Variants in IL1RAPL1 observed in about 807,000 individuals in gnomAD.
IL1RAPL1 encodes interleukin-1 receptor accessory protein-like 1.
In IL1RAPL1, 3 loss-of-function variants were observed where a neutral mutation model predicts 48.4. The ratio of observed to expected loss-of-function variants is 0.06; its 90% confidence interval spans 0.03 to 0.16. The LOEUF (loss-of-function observed/expected upper bound fraction) is 0.16, where lower values mean the gene tolerates loss of function less well. Ranked by LOEUF, IL1RAPL1 falls within the 10% of genes least tolerant of loss-of-function variation. The pLI is 1.00. For missense variants in IL1RAPL1, 349 were observed against 530.6 expected, an observed-to-expected ratio of 0.66 and a Z score of 3.36; for synonymous variants, 185 against 187.7, an observed-to-expected ratio of 0.99 and a Z score of 0.12.
At chrX:29,656,766 T>G (rs1042088062) in intron 5 of IL1RAPL1, among the ~76,000 whole-genome samples, 5 of 111,519 alleles carry the variant, frequency 4.5e-5, no homozygotes, top group Non-Finnish European at 9.4e-5. Flanking sequence ...TTGGAATTAT[T>G]TCTGAAGTTC....
chrX:28,888,433 A>T (rs1293059937), intron 2 of IL1RAPL1, among the ~76,000 whole-genome samples: 3 of 111,813 alleles, frequency 2.7e-5, no homozygotes, highest in Non-Finnish European at 5.7e-5. Context: ...ATTTGTTACT[A>T]ATTACCTCTG....
chrX:29,354,370 T>G (rs1451576164), intron 3 of IL1RAPL1, among the ~76,000 whole-genome samples: 1 of 112,004 alleles, frequency 8.9e-6, no homozygotes, highest in Non-Finnish European at 1.9e-5. Context: ...TAGTTGTATT[T>G]GGTAATACAG....
chrX:29,892,579 A>G (rs1178633728), intron 6 of IL1RAPL1, among the ~76,000 whole-genome samples: 1 of 112,602 alleles, frequency 8.9e-6, no homozygotes, highest in African/African-American at 3.2e-5. Context: ...CTGTTTGGCA[A>G]CTTGGGAAGA....
In IL1RAPL1 at chrX:28,974,832, C is replaced by A. The variant is rs147715475; in HGVS notation, c.82+185407C>A. 2.2e-4 allele frequency among the ~76,000 whole-genome samples: 25 copies of A among 111,685 alleles called. No homozygotes were observed. In the East Asian group the frequency reaches 7.0e-3, roughly 31 times the overall value. The stretch of plus-strand genomic sequence containing the variant: ...TTGAAAAGTGGACAATTATCATCTT[C>A]TGGAATCTTCTGTATGTAATGTAAT... On this transcript the variant is annotated intron_variant, in intron 2 of 10. Coordinates refer to ENST00000378993, the MANE Select transcript of IL1RAPL1 (RefSeq NM_014271.4).
chrX:29,066,085 T>C (rs892977641), intron 2 of IL1RAPL1, among the ~76,000 whole-genome samples: 2 of 112,047 alleles, frequency 1.8e-5, no homozygotes, highest in African/African-American at 3.2e-5. Flanking sequence ...GGGAACACTT[T>C]TTTCTTTCTT....
intron 2 of IL1RAPL1, among the ~76,000 whole-genome samples, chrX:28,967,081 C>T (rs747885277): frequency 7.3e-4 from 82 of 111,927 alleles, no homozygotes; most frequent in African/African-American, 2.4e-3. Context: ...AAACAGTGAC[C>T]AAACAGTTGA....
intron 2 of IL1RAPL1, among the ~76,000 whole-genome samples, chrX:29,095,509 A>G (rs1928194278): frequency 8.9e-6 from 1 of 111,963 alleles, no homozygotes; most frequent in South Asian, 3.7e-4. Flanking sequence ...CTCTAAATGA[A>G]CAAAGCCCAT....
chrX:28,908,423 A>T (rs1425429648), intron 2 of IL1RAPL1, among the ~76,000 whole-genome samples: 2 of 111,213 alleles, frequency 1.8e-5, no homozygotes, highest in Non-Finnish European at 3.8e-5. Flanking sequence ...ATATTCTAGA[A>T]TTTCTCTTGA....
intron 3 of IL1RAPL1, among the ~76,000 whole-genome samples, chrX:29,295,221 G>A (rs1932431985): frequency 8.9e-6 from 1 of 111,906 alleles, no homozygotes; most frequent in African/African-American, 3.2e-5. Flanking sequence ...GAGACAGCAA[G>A]AGGCCTATCT....
chrX:29,656,850 G>C (rs996105980), intron 5 of IL1RAPL1, among the ~76,000 whole-genome samples: 1 of 111,489 alleles, frequency 9.0e-6, no homozygotes, highest in Non-Finnish European at 1.9e-5. Flanking sequence ...ATTTTCAGTT[G>C]TTTGTGTGGG....
intron 2 of IL1RAPL1, among the ~76,000 whole-genome samples, chrX:29,017,245 A>G (rs1926262286): frequency 8.9e-6 from 1 of 112,529 alleles, no homozygotes; most frequent in South Asian, 3.6e-4. Flanking sequence ...ACTACCACGT[A>G]TTACGTGTTG....
At chrX:29,758,366 T>A (rs1003971199) in intron 6 of IL1RAPL1, among the ~76,000 whole-genome samples, 1 of 109,771 alleles carries the variant, frequency 9.1e-6, no homozygotes. Flanking sequence ...GGAGAGGGAA[T>A]GAAAGGAGGA....
intron 3 of IL1RAPL1, among the ~76,000 whole-genome samples, chrX:29,319,578 C>CTATCTATT (rs1932789936): frequency 9.4e-6 from 1 of 106,434 alleles, no homozygotes; most frequent in Admixed American, 1.0e-4. Flanking sequence ...ATCTATCTAT[C>CTATCTATT]CATCCATCGA....
chrX:29,524,023 C>A (rs778896328), intron 5 of IL1RAPL1, among the ~76,000 whole-genome samples: 16 of 110,331 alleles, frequency 1.5e-4, no homozygotes, highest in Middle Eastern at 4.8e-3. Flanking sequence ...AAAAAAAAAT[C>A]TTTTTCTTTG....
At chrX:29,821,294 C>CA (rs919406839) in intron 6 of IL1RAPL1, among the ~76,000 whole-genome samples, 3 of 108,983 alleles carry the variant, frequency 2.8e-5, no homozygotes, top group Non-Finnish European at 5.7e-5. Flanking sequence ...CTAAAAAATA[C>CA]AAAAAATTAG....
intron 6 of IL1RAPL1, among the ~76,000 whole-genome samples, chrX:29,751,240 T>C (rs1348367044): frequency 1.8e-5 from 2 of 111,589 alleles, no homozygotes; most frequent in African/African-American, 6.5e-5. Flanking sequence ...CCACAAAATA[T>C]TGATACAGCT....
At chrX:29,931,172 AT>A (rs1333597350) in intron 8 of IL1RAPL1, among the ~76,000 whole-genome samples, 48 of 106,564 alleles carry the variant, frequency 4.5e-4, no homozygotes, top group African/African-American at 1.2e-3. Flanking sequence ...GGGAGGGGGG[AT>A]TTTTTTTTTA....
intron 2 of IL1RAPL1, among the ~76,000 whole-genome samples, chrX:29,249,542 C>CTGAT (rs199566503): frequency 0.012 from 1,302 of 111,738 alleles, 12 homozygotes; most frequent in Non-Finnish European, 0.02. Context: ...CCCATTAACA[C>CTGAT]TGATAGCACT....
intron 1 of IL1RAPL1, among the ~76,000 whole-genome samples, chrX:28,712,128 G>A (rs942739944): frequency 9.0e-6 from 1 of 111,182 alleles, no homozygotes; most frequent in East Asian, 2.8e-4. Context: ...AATTGCTGGG[G>A]TGGTTAAGTA....
Sources: allele counts gnomAD v4.1 joint callset (sites outside exome capture counted in the v4.1 genomes callset), GRCh38; gene constraint gnomAD v4.1.1; transcripts MANE v1.5; gene names NCBI Gene and HGNC (gene_info 2026-07-23, HGNC 2026-07-21).